Variants in ZNF521 observed in about 807,000 individuals in gnomAD.
The protein encoded by ZNF521 is LYST-interacting protein 3.
A neutral mutation model predicts 105.5 loss-of-function variants in ZNF521; 14 were observed. The observed-to-expected ratio is 0.13, with a 90% CI of 0.09 to 0.21. The LOEUF is 0.21. Ranked by LOEUF, ZNF521 falls within the 10% of genes least tolerant of loss-of-function variation. The probability of loss-of-function intolerance (pLI) is 1.00; values close to 1 mark genes in which losing one functional copy is unlikely to be tolerated. For synonymous variants in ZNF521, 635 were observed against 606.0 expected (o/e 1.05, Z -0.70); for missense variants, 1,233 against 1,629.7 (o/e 0.76, Z 4.19).
At chr18:25,140,906 A>G (rs115103771) in intron 5 of ZNF521, among the ~76,000 whole-genome samples, 71 of 152,304 alleles carry the variant, frequency 4.7e-4, no homozygotes, top group African/African-American at 1.5e-3. Context: ...TCTGCTTTCA[A>G]TGGACTCAAT....
chr18:25,334,206 A>AC (rs11448627), intron 2 of ZNF521, among the ~76,000 whole-genome samples: 131,516 of 152,166 alleles, frequency 0.86, 57,130 homozygotes, highest in African/African-American at 0.96. Context: ...ATGCTACCAT[A>AC]TTTTTCTTGG....
At chr18:25,234,108 T>TG (rs144323912) in intron 3 of ZNF521, among the ~76,000 whole-genome samples, 3,349 of 152,258 alleles carry the variant, frequency 0.022, 138 homozygotes, top group African/African-American at 0.077. Flanking sequence ...TTTCCAATTA[T>TG]GTGGGGGGTG....
intron 3 of ZNF521, among the ~76,000 whole-genome samples, chr18:25,230,158 A>G (rs1421090304): frequency 6.6e-6 from 1 of 152,162 alleles, no homozygotes; most frequent in Non-Finnish European, 1.5e-5. Flanking sequence ...TCCAGTCCCC[A>G]TTACTTGTCT....
intron 3 of ZNF521, among the ~76,000 whole-genome samples, chr18:25,229,641 G>A (rs1474819483): frequency 6.6e-6 from 1 of 151,394 alleles, no homozygotes; most frequent in Non-Finnish European, 1.5e-5. Flanking sequence ...ACAAATCAAG[G>A]TTTCAAATAT....
At chr18:25,243,144 C>T (rs1356342119) in intron 3 of ZNF521, among the ~76,000 whole-genome samples, 1 of 152,144 alleles carries the variant, frequency 6.6e-6, no homozygotes, top group Admixed American at 6.6e-5. Context: ...TCAATTTTCC[C>T]TTATGGTTAA....
intron 4 of ZNF521, among the ~76,000 whole-genome samples, chr18:25,210,801 C>T (rs2036166008): frequency 6.6e-6 from 1 of 152,192 alleles, no homozygotes; most frequent in African/African-American, 2.4e-5. Context: ...CTGACCTTCT[C>T]TCCCACGACT....
chr18:25,275,261 C>T (rs142167534), intron 3 of ZNF521, among the ~76,000 whole-genome samples: 1 of 152,262 alleles, frequency 6.6e-6, no homozygotes, highest in African/African-American at 2.4e-5. Context: ...TGAACTTCAA[C>T]ATTTCTCCCA....
intron 3 of ZNF521, among the ~76,000 whole-genome samples, chr18:25,242,108 T>G (rs1274832573): frequency 6.6e-6 from 1 of 152,224 alleles, no homozygotes; most frequent in Non-Finnish European, 1.5e-5. Flanking sequence ...AGTTGCAACC[T>G]GTTATGTCCA....
At chr18:25,290,979 C>A (rs989249994) in intron 3 of ZNF521, among the ~76,000 whole-genome samples, 2 of 152,050 alleles carry the variant, frequency 1.3e-5, no homozygotes, top group Admixed American at 6.6e-5. Flanking sequence ...TTGATTTAGA[C>A]GAAATATAAA....
chr18:25,234,877 ATTAT>A (rs1376589137), intron 3 of ZNF521, among the ~76,000 whole-genome samples: 1 of 152,138 alleles, frequency 6.6e-6, no homozygotes, highest in African/African-American at 2.4e-5. Context: ...ATTTAACAAT[ATTAT>A]TTAAATAACA....
chr18:25,153,549 T>C (rs530087943), intron 5 of ZNF521, among the ~76,000 whole-genome samples: 1 of 152,308 alleles, frequency 6.6e-6, no homozygotes, highest in East Asian at 1.9e-4. Flanking sequence ...CTCCACATGG[T>C]CCCAGTCTGG....
intron 5 of ZNF521, among the ~76,000 whole-genome samples, chr18:25,191,768 G>A (rs184513633): frequency 1.9e-4 from 29 of 152,164 alleles, no homozygotes; most frequent in Middle Eastern, 6.8e-3. Flanking sequence ...AATTTTATAT[G>A]AGGCAATCCC....
chr18:25,097,533 T>C (rs1409153750), intron 5 of ZNF521, among the ~76,000 whole-genome samples: 1 of 152,232 alleles, frequency 6.6e-6, no homozygotes, highest in Middle Eastern at 3.4e-3. Flanking sequence ...AGGAGTTTTG[T>C]CACTGGCAAT....
intron 4 of ZNF521, among the ~76,000 whole-genome samples, chr18:25,196,643 C>T (rs997609269): frequency 6.6e-6 from 1 of 151,700 alleles, no homozygotes; most frequent in African/African-American, 2.4e-5. Context: ...TGTGCTGAAT[C>T]TAAATCTAAC....
At chr18:25,305,919 A>C (rs1238399339) in intron 3 of ZNF521, among the ~76,000 whole-genome samples, 1 of 152,254 alleles carries the variant, frequency 6.6e-6, no homozygotes, top group Non-Finnish European at 1.5e-5. Context: ...ATGATGATAC[A>C]TCTACCAGCT....
At chr18:25,325,915 A>G (rs114124094) in intron 2 of ZNF521, among the ~76,000 whole-genome samples, 1 of 152,264 alleles carries the variant, frequency 6.6e-6, no homozygotes, top group African/African-American at 2.4e-5. Context: ...TCTTCGTCTC[A>G]TCCTCCTGTT....
At chr18:25,078,974 G>A (rs535608328) in intron 7 of ZNF521, among the ~76,000 whole-genome samples, 16 of 152,336 alleles carry the variant, frequency 1.1e-4, no homozygotes, top group African/African-American at 3.8e-4. Context: ...GCTGCAACAA[G>A]TTTGACCATC....
At chr18:25,193,409 C>A (rs1351592334) in intron 5 of ZNF521, among the ~76,000 whole-genome samples, 1 of 151,956 alleles carries the variant, frequency 6.6e-6, no homozygotes, top group African/African-American at 2.4e-5. Flanking sequence ...TTGAATAGAA[C>A]TAATGAGAAG....
At chr18:25,096,663 G>T (rs2033857486) in intron 5 of ZNF521, among the ~76,000 whole-genome samples, 1 of 152,128 alleles carries the variant, frequency 6.6e-6, no homozygotes. Context: ...AATCACTGGG[G>T]GCCCCCTTAT....
Sources: gnomAD v4.1 joint callset for allele counts (sites outside exome capture counted in the v4.1 genomes callset) on GRCh38, gnomAD v4.1.1 for gene constraint, MANE v1.5 for transcripts, NCBI Gene and HGNC (gene_info 2026-07-23, HGNC 2026-07-21) for gene names.